Variants in ITSN1 observed in about 807,000 individuals in gnomAD.
ITSN1 encodes intersectin 1, also known as intersectin-1.
Under a neutral mutation model 239.8 loss-of-function variants are expected in ITSN1, and 58 were observed. The observed-to-expected ratio is 0.24, with a 90% confidence interval of 0.20 to 0.30. The LOEUF is 0.30. ITSN1 is among the 10% of genes least tolerant of loss of function. ITSN1 has a pLI of 1.00. For synonymous variants in ITSN1, 780 were observed against 770.8 expected, an observed-to-expected ratio of 1.01 and a Z score of -0.20; for missense variants, 1,558 against 2,103.3, an observed-to-expected ratio of 0.74 and a Z score of 5.07.
chr21:33,843,073 G>A (rs1602564070), intron 29 of ITSN1, among the ~76,000 whole-genome samples: 1 of 152,146 alleles, frequency 6.6e-6, no homozygotes, highest in African/African-American at 2.4e-5. Flanking sequence ...CAGTGAAGTC[G>A]AGATCTTAGA....
At chr21:33,860,432 C>T (rs1490034880) in intron 31 of ITSN1, among the ~76,000 whole-genome samples, 1 of 152,174 alleles carries the variant, frequency 6.6e-6, no homozygotes. Flanking sequence ...CCAAGTAGCC[C>T]TTAGAGAGGG....
Position 33,853,089 on chromosome 21 carries a change from G to GAT in ITSN1, c.3662-3647_3662-3646insAT, listed in dbSNP as rs956856989. On this transcript the variant is annotated intron_variant, in intron 29 of 39. Transcript: ENST00000381318. ...GCAAGTTTTAAAGCAGCCTCCCATG[G>GAT]GTCAATTTGATGGCTAAAAAGATGA... Among the ~76,000 whole-genome samples the GAT allele has an allele frequency of 3.5e-4, 53 of 152,146 alleles. 1 individual carries two copies. The highest frequency in any genetic ancestry group is 3.3e-3 in the Admixed American group (50 of 15,284).
chr21:33,817,467 T>C, intron 22 of ITSN1: 1 of 1,304,468 alleles, frequency 7.7e-7, no homozygotes, highest in Non-Finnish European at 1.0e-6. Context: ...GCAGAATTCA[T>C]CCCTGTTTTC....
At chr21:33,815,143 G>A (rs2073181609) in intron 22 of ITSN1, among the ~76,000 whole-genome samples, 1 of 152,170 alleles carries the variant, frequency 6.6e-6, no homozygotes, top group South Asian at 2.1e-4. Flanking sequence ...ATGGAAGAGA[G>A]CACGAGACTG....
chr21:33,701,592 A>G (rs956779774), intron 1 of ITSN1, among the ~76,000 whole-genome samples: 1 of 151,854 alleles, frequency 6.6e-6, no homozygotes, highest in Non-Finnish European at 1.5e-5. Flanking sequence ...CAGGAGTTTG[A>G]GACCAACCTG....
intron 20 of ITSN1, among the ~76,000 whole-genome samples, chr21:33,803,507 A>G (rs1485440384): frequency 6.6e-6 from 1 of 152,246 alleles, no homozygotes; most frequent in African/African-American, 2.4e-5. Context: ...TAGATCACAT[A>G]TACACATAAG....
intron 29 of ITSN1, among the ~76,000 whole-genome samples, chr21:33,849,769 C>A (rs544424317): frequency 2.0e-5 from 3 of 152,196 alleles, no homozygotes; most frequent in Non-Finnish European, 4.4e-5. Flanking sequence ...AGCTCAGGTG[C>A]GCCATAAATA....
At chr21:33,729,585 A>G (rs9980877) in intron 4 of ITSN1, among the ~76,000 whole-genome samples, 1 of 152,340 alleles carries the variant, frequency 6.6e-6, no homozygotes, top group African/African-American at 2.4e-5. Context: ...AAATAAGCAC[A>G]GAATCACAGA....
intron 19 of ITSN1, among the ~76,000 whole-genome samples, chr21:33,801,102 G>C (rs2071971614): frequency 6.6e-6 from 1 of 151,902 alleles, no homozygotes; most frequent in African/African-American, 2.4e-5. Context: ...AATTGCCTGG[G>C]CTCAAACGAT....
chr21:33,687,677 C>T (rs1410716929), intron 1 of ITSN1, among the ~76,000 whole-genome samples: 2 of 152,118 alleles, frequency 1.3e-5, no homozygotes, highest in African/African-American at 2.4e-5. Flanking sequence ...GGACAGCATT[C>T]CAAATACATA....
intron 1 of ITSN1, among the ~76,000 whole-genome samples, chr21:33,658,087 C>G (rs1163787128): frequency 6.6e-6 from 1 of 152,178 alleles, no homozygotes; most frequent in African/African-American, 2.4e-5. Context: ...TGAACGCATA[C>G]TTTGTATGCT....
intron 1 of ITSN1, among the ~76,000 whole-genome samples, chr21:33,644,524 A>C (rs1382997880): frequency 6.6e-6 from 1 of 152,178 alleles, no homozygotes; most frequent in Admixed American, 6.5e-5. Context: ...CTGCCTGAGT[A>C]AGAGAGGAAA....
chr21:33,886,235 A>C (rs1985783396), intron 38 of ITSN1, 52 bp from the exon 39 acceptor site: 4 of 1,233,642 alleles, frequency 3.2e-6, no homozygotes, highest in Non-Finnish European at 3.5e-6. Flanking sequence ...AAAAGAGTGG[A>C]GATCAAAATG....
At chr21:33,814,139 C>A in intron 22 of ITSN1, 67 bp downstream of exon 22, 1 of 1,494,564 alleles carries the variant, frequency 6.7e-7, no homozygotes, top group Non-Finnish European at 9.1e-7. Flanking sequence ...TCAGCAAATG[C>A]TTTTTGGCAA....
chr21:33,866,083 C>A (rs899696057), intron 32 of ITSN1, among the ~76,000 whole-genome samples: 1 of 152,206 alleles, frequency 6.6e-6, no homozygotes, highest in Non-Finnish European at 1.5e-5. Flanking sequence ...TAATAACAGG[C>A]ATATCTTTGG....
intron 1 of ITSN1, among the ~76,000 whole-genome samples, chr21:33,711,055 A>G (rs1471459053): frequency 2.6e-5 from 4 of 152,114 alleles, no homozygotes; most frequent in African/African-American, 7.2e-5. Context: ...GATTACAGGC[A>G]TGAGCCACCG....
intron 1 of ITSN1, among the ~76,000 whole-genome samples, chr21:33,704,959 A>G (rs949999128): frequency 2.0e-5 from 3 of 150,492 alleles, no homozygotes; most frequent in Non-Finnish European, 3.0e-5. Flanking sequence ...ACAAACAAAA[A>G]CATTAGCCAG....
intron 29 of ITSN1, among the ~76,000 whole-genome samples, chr21:33,848,356 C>A (rs2075048809): frequency 6.6e-6 from 1 of 152,210 alleles, no homozygotes; most frequent in African/African-American, 2.4e-5. Flanking sequence ...AGGAGAGAGG[C>A]CTCAGGAGGA....
At chr21:33,822,784 T>C (rs996931414) in intron 24 of ITSN1, among the ~76,000 whole-genome samples, 1 of 152,242 alleles carries the variant, frequency 6.6e-6, no homozygotes, top group African/African-American at 2.4e-5. Flanking sequence ...CTTTCTGGGA[T>C]TGGGTTAGAC....
Sources: gnomAD v4.1 joint callset for allele counts (sites outside exome capture counted in the v4.1 genomes callset) on GRCh38, gnomAD v4.1.1 for gene constraint, MANE v1.5 for transcripts, NCBI Gene and HGNC (gene_info 2026-07-23, HGNC 2026-07-21) for gene names.